RAD51: variants seen among roughly 807,000 people sequenced by gnomAD.
The protein encoded by RAD51 is DNA repair protein RAD51 homolog 1.
In RAD51, 14 loss-of-function variants were observed where a neutral mutation model predicts 41.5. The ratio of observed to expected loss-of-function variants is 0.34; its 90% confidence interval spans 0.22 to 0.53. The LOEUF is 0.53. RAD51 is among the 20% of genes least tolerant of loss of function. The pLI is 0.95. For missense variants in RAD51, 234 were observed against 422.0 expected (o/e 0.55, Z 3.90); for synonymous variants, 136 against 148.6 (o/e 0.92, Z 0.62).
At chr15:40,699,236 C>G (rs543624248) in intron 2 of RAD51, among the ~76,000 whole-genome samples, 1 of 152,286 alleles carries the variant, frequency 6.6e-6, no homozygotes, top group Admixed American at 6.5e-5. Flanking sequence ...CTCTGCGTCC[C>G]AGGTTCAAGC....
At chr15:40,703,822 A>ATATT (rs755303549) in intron 3 of RAD51, among the ~76,000 whole-genome samples, 3 of 151,850 alleles carry the variant, frequency 2.0e-5, no homozygotes, top group Non-Finnish European at 2.9e-5. Flanking sequence ...TCTACTTAAT[A>ATATT]GTTTCTACCC....
chr15:40,697,476 C>G (rs566198264), intron 1 of RAD51, among the ~76,000 whole-genome samples: 1 of 151,596 alleles, frequency 6.6e-6, no homozygotes, highest in South Asian at 2.1e-4. Context: ...CATCCAGTTT[C>G]AAGAAATCTT....
chr15:40,706,378 C>G (rs965862703), intron 4 of RAD51, 84 bp downstream of exon 4: 1 of 1,123,222 alleles, frequency 8.9e-7, no homozygotes, highest in African/African-American at 1.5e-5. Flanking sequence ...ATTTGTGTAG[C>G]ATTTCCTTGT....
intron 5 of RAD51, among the ~76,000 whole-genome samples, chr15:40,710,501 C>CAAAAAAAAAAAAA (rs747933816): frequency 6.2e-5 from 3 of 48,734 alleles, no homozygotes; most frequent in East Asian, 5.9e-4. Context: ...GACTCTGTCT[C>CAAAAAAAAAAAAA]AAAAAAAAAA....
chr15:40,725,145 C>T (rs1016322132), intron 6 of RAD51, among the ~76,000 whole-genome samples: 54 of 151,952 alleles, frequency 3.6e-4, no homozygotes, highest in African/African-American at 9.9e-4. Flanking sequence ...ATGATCCACC[C>T]GCCTCGGCCT....
rs1385049272 is a variant in RAD51 at position 40,698,756 on chromosome 15, G to C, written c.-2-1G>C. On this transcript the variant is annotated splice_acceptor_variant, in intron 1 of 9. Transcript: ENST00000267868. LOFTEE classifies it low-confidence loss of function (5UTR_SPLICE). ...TACTGATAAGCATTTGTATTTTTCAGTAATGGCAATGCAGATGCAGCTTGA... is the reference window on the plus strand; with the variant it reads ...TACTGATAAGCATTTGTATTTTTCACTAATGGCAATGCAGATGCAGCTTGA... 6.2e-7 allele frequency: 1 copy of C among 1,613,450 alleles called. No homozygotes were observed. The highest frequency in any genetic ancestry group is 1.1e-5 in the South Asian group (1 of 91,076).
intron 5 of RAD51, among the ~76,000 whole-genome samples, chr15:40,710,836 C>CTGCCACCT (rs990679175): frequency 2.0e-5 from 3 of 152,156 alleles, no homozygotes; most frequent in African/African-American, 7.2e-5. Flanking sequence ...TTACCATCTC[C>CTGCCACCT]TGCCACCTTC....
intron 8 of RAD51, 30 bp downstream of exon 8, chr15:40,729,664 C>G: frequency 1.2e-6 from 2 of 1,613,144 alleles, no homozygotes; most frequent in Non-Finnish European, 1.7e-6. Flanking sequence ...CAGAGAATGC[C>G]TACTTTCAGT....
chr15:40,710,501 CAAAAAAAAAAAA>C (rs747933816), intron 5 of RAD51, among the ~76,000 whole-genome samples: 195 of 48,762 alleles, frequency 4.0e-3, no homozygotes, highest in African/African-American at 0.012. Context: ...GACTCTGTCT[CAAAAAAAAAAAA>C]AAAAAAAAAA....
chr15:40,716,210 T>C (rs539060186), intron 5 of RAD51, among the ~76,000 whole-genome samples: 1 of 152,310 alleles, frequency 6.6e-6, no homozygotes, highest in East Asian at 1.9e-4. Context: ...GTCGGTTTTA[T>C]TTACATTTTA....
Position 40,724,670 on chromosome 15 carries a change from A to ATTTGTTTTTTTTTTTTTTTTTTTT in RAD51, c.531-4038_531-4037insGTTTTTTTTTTTTTTTTTTTTTTT, listed in dbSNP as rs757564729. 4.2e-5 allele frequency among the ~76,000 whole-genome samples: 3 copies of ATTTGTTTTTTTTTTTTTTTTTTTT among 72,028 alleles called. 1 individual carries two copies. Among genetic ancestry groups the ATTTGTTTTTTTTTTTTTTTTTTTT allele is most frequent in the Non-Finnish European group, 5.7e-5 (2 of 34,924 alleles). The allele number at this position is 72,028 out of a possible 152,430, so 47.3% of individuals were successfully genotyped here. ...ACCACCAAGCCCAGCTAATTTTTTT[A>ATTTGTTTTTTTTTTTTTTTTTTTT]TTTCTTTTTTTTTTTTTTTTTTTTT... On this transcript the variant is annotated intron_variant, in intron 6 of 9. Coordinates refer to ENST00000267868, the MANE Select transcript of RAD51 (RefSeq NM_002875.5).
intron 4 of RAD51, among the ~76,000 whole-genome samples, chr15:40,707,185 G>A (rs1185803873): frequency 1.4e-5 from 2 of 139,820 alleles, no homozygotes; most frequent in East Asian, 4.3e-4. Context: ...TTGAGTCGGG[G>A]CATCACTCAT....
At chr15:40,696,764 A>G (rs1894664664) in intron 1 of RAD51, among the ~76,000 whole-genome samples, 1 of 152,204 alleles carries the variant, frequency 6.6e-6, no homozygotes, top group Admixed American at 6.6e-5. Context: ...ATGCTTGCCA[A>G]CACGATATTT....
At chr15:40,730,326 A>T (rs977421159) in intron 9 of RAD51, among the ~76,000 whole-genome samples, 6 of 151,984 alleles carry the variant, frequency 3.9e-5, no homozygotes, top group African/African-American at 1.4e-4. Flanking sequence ...TAAGGGCAAC[A>T]AAGTGAGGCC....
intron 7 of RAD51, 23 bp downstream of exon 7, chr15:40,728,847 C>G: frequency 6.4e-7 from 1 of 1,564,506 alleles, no homozygotes; most frequent in Non-Finnish European, 8.8e-7. Flanking sequence ...TATAAGACAC[C>G]AAATATGTTC....
intron 5 of RAD51, among the ~76,000 whole-genome samples, chr15:40,713,994 C>CCTTTTT (rs1895856789): frequency 8.7e-6 from 1 of 114,966 alleles, no homozygotes; most frequent in East Asian, 2.8e-4. Context: ...GAAATAAATT[C>CCTTTTT]TTTTTTTTTT....
chr15:40,729,420 AAT>A, intron 7 of RAD51, 83 bp from the exon 8 acceptor site: 1 of 1,419,950 alleles, frequency 7.0e-7, no homozygotes, highest in Non-Finnish European at 9.8e-7. Flanking sequence ...AAAAACTATG[AAT>A]ATGAGATTTT....
intron 2 of RAD51, 142 bp from the exon 3 acceptor site, chr15:40,700,922 T>TCC: frequency 2.7e-6 from 2 of 754,240 alleles, no homozygotes; most frequent in African/African-American, 1.8e-5. Context: ...ACTTCCCATC[T>TCC]CCCCCCGCCC....
intron 3 of RAD51, chr15:40,701,719 A>G (rs190208051): frequency 4.4e-6 from 1 of 227,220 alleles, no homozygotes; most frequent in Admixed American, 5.5e-5. Context: ...TTCAGTGTTT[A>G]TATAGTTACA....
Sources: gnomAD v4.1 joint callset for allele counts (sites outside exome capture counted in the v4.1 genomes callset) on GRCh38, gnomAD v4.1.1 for gene constraint, MANE v1.5 for transcripts, NCBI Gene and HGNC (gene_info 2026-07-23, HGNC 2026-07-21) for gene names.